The following FHIP2A variants were observed in gnomAD, a reference collection of about 807,000 sequenced individuals.
FHIP2A encodes FHF complex subunit HOOK interacting protein 2A, also known as family with sequence similarity 160 member B1.
In FHIP2A, 46 loss-of-function variants were observed where a neutral mutation model predicts 93.5. That is an observed-to-expected ratio of 0.49 (90% confidence interval 0.39 to 0.63). FHIP2A has a LOEUF of 0.63. Ranked by LOEUF, FHIP2A falls within the 20% of genes least tolerant of loss-of-function variation. The pLI is 0.00. For synonymous variants in FHIP2A, 332 were observed against 326.5 expected (o/e 1.02, Z -0.18); for missense variants, 769 against 909.7 (o/e 0.85, Z 1.99).
intron 1 of FHIP2A, among the ~76,000 whole-genome samples, chr10:114,830,103 T>C (rs1033227464): frequency 3.9e-5 from 6 of 152,162 alleles, no homozygotes; most frequent in African/African-American, 1.4e-4. Flanking sequence ...TTGACTTTGG[T>C]ATATGTTTTA....
At chr10:114,897,759 A>T (rs192532881) in intron 16 of FHIP2A, among the ~76,000 whole-genome samples, 56 of 152,208 alleles carry the variant, frequency 3.7e-4, no homozygotes, top group South Asian at 3.5e-3. Flanking sequence ...AAAGTACAAA[A>T]ATTAGCCAGG....
chr10:114,851,116 G>A (rs1387879545), intron 13 of FHIP2A, among the ~76,000 whole-genome samples: 1 of 152,090 alleles, frequency 6.6e-6, no homozygotes, highest in East Asian at 1.9e-4. Context: ...GTTTCACCCT[G>A]TTGCCTAGGC....
At chr10:114,845,621 T>C in intron 8 of FHIP2A, 140 bp downstream of exon 8, 1 of 612,828 alleles carries the variant, frequency 1.6e-6, no homozygotes, top group South Asian at 2.1e-5. Context: ...AACAAAAAAG[T>C]GTATATGTGT....
At chr10:114,831,868 T>C (rs2083609912) in intron 2 of FHIP2A, among the ~76,000 whole-genome samples, 1 of 152,214 alleles carries the variant, frequency 6.6e-6, no homozygotes, top group Admixed American at 6.5e-5. Flanking sequence ...TTTTAACAAC[T>C]GTCCCATACC....
chr10:114,848,297 A>G (rs2083713974), intron 12 of FHIP2A, among the ~76,000 whole-genome samples: 1 of 152,224 alleles, frequency 6.6e-6, no homozygotes, highest in Non-Finnish European at 1.5e-5. Context: ...ATTAACAAAT[A>G]TCATGGCAGT....
chr10:114,895,990 G>A (rs778833839), intron 16 of FHIP2A, among the ~76,000 whole-genome samples: 9 of 152,074 alleles, frequency 5.9e-5, no homozygotes, highest in African/African-American at 4.8e-5. Flanking sequence ...GTGAAACTGC[G>A]GCTTCCTGAG....
chr10:114,863,990 G>T lies in FHIP2A; in HGVS notation c.*2450G>T. 1 of 1,058,170 alleles carries T rather than the reference G, an allele frequency of 9.5e-7. No homozygotes were observed. The highest frequency in any genetic ancestry group is 1.1e-6 in the Non-Finnish European group (1 of 873,200). 65.5% of individuals were successfully genotyped at this position (1,058,170 alleles called of 1,614,324 possible). A position where few individuals can be genotyped will look rare whatever the true frequency, so the allele number is the denominator to read the frequency against. On this transcript the variant is annotated 3_prime_UTR_variant, in exon 17 of 17. Transcript: ENST00000369248. The stretch of plus-strand genomic sequence containing the variant: ...GAACTCAGATTTGTCTTAGCCTATT[G>T]CCATATAGTACTCACCTTATAACTA...
chr10:114,840,566 T>G (rs1459970247), intron 5 of FHIP2A, among the ~76,000 whole-genome samples: 2 of 152,154 alleles, frequency 1.3e-5, no homozygotes, highest in Admixed American at 6.5e-5. Flanking sequence ...TGGAAACTGA[T>G]GGAGTAACCC....
chr10:114,889,215 A>G (rs1463847282), intron 16 of FHIP2A, among the ~76,000 whole-genome samples: 1 of 152,156 alleles, frequency 6.6e-6, no homozygotes, highest in African/African-American at 2.4e-5. Flanking sequence ...ATTTAGGACA[A>G]ATAGTTTGGA....
At chr10:114,847,839 C>T (rs183039498) in intron 12 of FHIP2A, among the ~76,000 whole-genome samples, 120 of 151,140 alleles carry the variant, frequency 7.9e-4, no homozygotes, top group African/African-American at 2.7e-3. Context: ...TTCCGTCTCC[C>T]GGGTTCAAGC....
At chr10:114,857,182 C>T (rs2143012780) in intron 14 of FHIP2A, among the ~76,000 whole-genome samples, 2 of 151,988 alleles carry the variant, frequency 1.3e-5, no homozygotes, top group East Asian at 3.8e-4. Flanking sequence ...ATAGTCTGAT[C>T]TCAGAGATAA....
chr10:114,895,962 C>T (rs1395582386), intron 16 of FHIP2A, among the ~76,000 whole-genome samples: 1 of 152,262 alleles, frequency 6.6e-6, no homozygotes, highest in East Asian at 1.9e-4. Context: ...CCCAAATCCA[C>T]CCTTTATTGC....
At chr10:114,834,672 T>C (rs1384987339) in intron 3 of FHIP2A, among the ~76,000 whole-genome samples, 2 of 152,172 alleles carry the variant, frequency 1.3e-5, no homozygotes, top group Admixed American at 1.3e-4. Flanking sequence ...TTACCTACTT[T>C]TCAGCAAATA....
At chr10:114,856,002 GA>G (rs756454170) in intron 14 of FHIP2A, among the ~76,000 whole-genome samples, 11 of 152,152 alleles carry the variant, frequency 7.2e-5, no homozygotes, top group Admixed American at 2.0e-4. Context: ...TGACTCATTA[GA>G]ATCTAAACCT....
chr10:114,861,111 G>C, intron 15 of FHIP2A, 120 bp from the exon 16 acceptor site: 1 of 1,274,250 alleles, frequency 7.8e-7, no homozygotes. Flanking sequence ...ATGATTATAT[G>C]AGTAGTGAAA....
chr10:114,882,713 A>G (rs2083923034), intron 16 of FHIP2A, among the ~76,000 whole-genome samples: 1 of 152,150 alleles, frequency 6.6e-6, no homozygotes, highest in African/African-American at 2.4e-5. Context: ...TCTCTACTAA[A>G]AATACAAAAA....
chr10:114,866,086 G>A (rs1181502854), downstream of FHIP2A, among the ~76,000 whole-genome samples: 1 of 152,028 alleles, frequency 6.6e-6, no homozygotes, highest in Non-Finnish European at 1.5e-5. Flanking sequence ...CAGGTATTAA[G>A]CCCCACATGC....
intron 7 of FHIP2A, among the ~76,000 whole-genome samples, chr10:114,844,498 G>A (rs1718633279): frequency 6.6e-6 from 1 of 152,092 alleles, no homozygotes; most frequent in South Asian, 2.1e-4. Flanking sequence ...ACCTTTTATT[G>A]TATTTCTCTG....
At chr10:114,885,351 T>C (rs2083937209) in intron 16 of FHIP2A, among the ~76,000 whole-genome samples, 1 of 148,378 alleles carries the variant, frequency 6.7e-6, no homozygotes, top group South Asian at 2.1e-4. Context: ...GCAGGGATCA[T>C]GCCATTGCAC....
Sources: allele counts gnomAD v4.1 joint callset (sites outside exome capture counted in the v4.1 genomes callset), GRCh38; gene constraint gnomAD v4.1.1; transcripts MANE v1.5; gene names NCBI Gene and HGNC (gene_info 2026-07-23, HGNC 2026-07-21).